The following NEO1 variants were observed in gnomAD, a reference collection of about 807,000 sequenced individuals.
The protein encoded by NEO1 is neogenin 1.
NEO1 carries 63 observed loss-of-function variants against 159.7 expected under a neutral mutation model. The observed-to-expected ratio is 0.39, with a 90% CI of 0.32 to 0.49. NEO1 has a LOEUF of 0.49. Among genes scored for constraint, NEO1 ranks in the 20% least tolerant of loss-of-function variants. The pLI is 0.85. For missense variants in NEO1, 1,615 were observed against 1,831.0 expected, an observed-to-expected ratio of 0.88 and a Z score of 2.15; for synonymous variants, 633 against 662.0, an observed-to-expected ratio of 0.96 and a Z score of 0.67.
chr15:73,217,702 G>A (rs914872440), intron 7 of NEO1, among the ~76,000 whole-genome samples: 1 of 152,048 alleles, frequency 6.6e-6, no homozygotes, highest in African/African-American at 2.4e-5. Flanking sequence ...ATTGTGAATG[G>A]GAGTTCACTC....
At chr15:73,278,981 C>T (rs2041547835) in intron 22 of NEO1, among the ~76,000 whole-genome samples, 1 of 152,192 alleles carries the variant, frequency 6.6e-6, no homozygotes, top group African/African-American at 2.4e-5. Flanking sequence ...ATGACCCTTA[C>T]TGTCTCTTCA....
chr15:73,297,532 T>C (rs544777662), intron 26 of NEO1, among the ~76,000 whole-genome samples: 1 of 152,318 alleles, frequency 6.6e-6, no homozygotes, highest in South Asian at 2.1e-4. Flanking sequence ...GACTCAGAGA[T>C]ATTCAGTGAC....
chr15:73,191,038 C>T (rs1039334773), intron 7 of NEO1, among the ~76,000 whole-genome samples: 3 of 151,844 alleles, frequency 2.0e-5, no homozygotes, highest in Admixed American at 6.6e-5. Flanking sequence ...ACGCTTTTTC[C>T]GTATAGGTAT....
chr15:73,073,004 C>T (rs1031459387), intron 1 of NEO1, among the ~76,000 whole-genome samples: 4 of 151,974 alleles, frequency 2.6e-5, no homozygotes, highest in Admixed American at 1.3e-4. Context: ...GAAGAACATG[C>T]GTTTAATTTT....
intron 4 of NEO1, among the ~76,000 whole-genome samples, chr15:73,133,175 A>ATATATATATATACG (rs2031344081): frequency 6.6e-6 from 1 of 151,444 alleles, no homozygotes; most frequent in Non-Finnish European, 1.5e-5. Flanking sequence ...TGTGGTATGT[A>ATATATATATATACG]TATATATATA....
intron 7 of NEO1, among the ~76,000 whole-genome samples, chr15:73,190,788 C>A (rs1011012317): frequency 1.4e-4 from 21 of 152,148 alleles, no homozygotes; most frequent in African/African-American, 4.8e-4. Context: ...ACTTCTTAAT[C>A]ATGAAATTCA....
chr15:73,181,628 G>A (rs778301201), intron 7 of NEO1, among the ~76,000 whole-genome samples: 1 of 151,782 alleles, frequency 6.6e-6, no homozygotes, highest in Non-Finnish European at 1.5e-5. Flanking sequence ...AGAGTGAGGT[G>A]GGGGGGTGCC....
chr15:73,117,508 C>T (rs1033939612), intron 2 of NEO1, among the ~76,000 whole-genome samples: 2 of 152,100 alleles, frequency 1.3e-5, no homozygotes, highest in African/African-American at 4.8e-5. Context: ...ACTTGAGTAC[C>T]AGATGAAATA....
At chr15:73,053,304 C>T (rs2067550480) in intron 1 of NEO1, among the ~76,000 whole-genome samples, 1 of 152,166 alleles carries the variant, frequency 6.6e-6, no homozygotes, top group South Asian at 2.1e-4. Flanking sequence ...TCGAGGGACT[C>T]CTCGCGCGGG....
chr15:73,138,204 CT>C (rs2031970221), intron 5 of NEO1, among the ~76,000 whole-genome samples: 1 of 152,022 alleles, frequency 6.6e-6, no homozygotes, highest in African/African-American at 2.4e-5. Context: ...AGCAGATCAC[CT>C]ACAAAAGAAA....
intron 23 of NEO1, among the ~76,000 whole-genome samples, chr15:73,286,130 A>G (rs1567697926): frequency 8.3e-6 from 1 of 120,704 alleles, no homozygotes; most frequent in African/African-American, 3.3e-5. Flanking sequence ...TTTCTTCTCC[A>G]CCACAGAATT....
chr15:73,241,821 C>T (rs2039499708), intron 8 of NEO1, among the ~76,000 whole-genome samples: 1 of 152,120 alleles, frequency 6.6e-6, no homozygotes, highest in Non-Finnish European at 1.5e-5. Context: ...GTCAGATCAC[C>T]TATGACTGAT....
At chr15:73,117,055 C>T (rs1476611923) in intron 2 of NEO1, among the ~76,000 whole-genome samples, 198 bp downstream of exon 2, 1 of 152,122 alleles carries the variant, frequency 6.6e-6, no homozygotes, top group Non-Finnish European at 1.5e-5. Context: ...TAAACTGTAG[C>T]GTGTTTCCAC....
intron 26 of NEO1, among the ~76,000 whole-genome samples, chr15:73,296,436 A>T (rs137897911): frequency 1.4e-4 from 21 of 152,228 alleles, no homozygotes; most frequent in African/African-American, 4.3e-4. Flanking sequence ...GGAGTGACCT[A>T]AGCCTGGTAG....
At chr15:73,174,753 T>C (rs918817971) in intron 5 of NEO1, among the ~76,000 whole-genome samples, 1 of 152,166 alleles carries the variant, frequency 6.6e-6, no homozygotes, top group African/African-American at 2.4e-5. Context: ...AAGAAAATTA[T>C]AAACACTCTA....
intron 8 of NEO1, among the ~76,000 whole-genome samples, chr15:73,239,419 A>G (rs867265194): frequency 3.9e-5 from 6 of 152,214 alleles, no homozygotes; most frequent in Admixed American, 2.0e-4. Flanking sequence ...TGTTTGCAAG[A>G]TTATAAAAGG....
intron 23 of NEO1, among the ~76,000 whole-genome samples, chr15:73,285,090 A>T (rs1200758370): frequency 6.6e-6 from 1 of 152,166 alleles, no homozygotes; most frequent in Non-Finnish European, 1.5e-5. Flanking sequence ...AAAATGACAG[A>T]ATTCCTTAGT....
At chr15:73,289,111 C>T in intron 24 of NEO1, 35 bp from the exon 25 acceptor site, 1 of 1,577,140 alleles carries the variant, frequency 6.3e-7, no homozygotes, top group African/African-American at 1.3e-5. Flanking sequence ...GCATAGGGCA[C>T]ATGCTGGTAA....
At chr15:73,063,299 C>G (rs976181444) in intron 1 of NEO1, among the ~76,000 whole-genome samples, 1 of 152,130 alleles carries the variant, frequency 6.6e-6, no homozygotes, top group Non-Finnish European at 1.5e-5. Context: ...TAACCACCCA[C>G]TCTACTGGGC....
Sources: gnomAD v4.1 joint callset for allele counts (sites outside exome capture counted in the v4.1 genomes callset) on GRCh38, gnomAD v4.1.1 for gene constraint, MANE v1.5 for transcripts, NCBI Gene and HGNC (gene_info 2026-07-23, HGNC 2026-07-21) for gene names.